PBDC1: variants seen among roughly 807,000 people sequenced by gnomAD.
PBDC1 encodes polysaccharide biosynthesis domain containing 1, also known as protein PBDC1.
PBDC1 carries 3 observed loss-of-function variants against 12.0 expected under a neutral mutation model. The ratio of observed to expected loss-of-function variants is 0.25; its 90% CI spans 0.11 to 0.64. The LOEUF is 0.64. Ranked by LOEUF, PBDC1 falls within the 30% of genes least tolerant of loss-of-function variation. The probability of loss-of-function intolerance (pLI) is 0.84; values close to 1 mark genes in which losing one functional copy is unlikely to be tolerated. For synonymous variants in PBDC1, 64 were observed against 56.4 expected (o/e 1.13, Z -0.60); for missense variants, 162 against 168.1 (o/e 0.96, Z 0.20).
At chrX:76,176,130 G>GT (rs201684974) in intron 4 of PBDC1, among the ~76,000 whole-genome samples, 1 of 96,974 alleles carries the variant, frequency 1.0e-5, no homozygotes, top group African/African-American at 3.8e-5. Flanking sequence ...TTGTTTGTTT[G>GT]TTTGTTTTGT....
chrX:76,176,041 G>T (rs1439663217), intron 4 of PBDC1, among the ~76,000 whole-genome samples: 1 of 112,102 alleles, frequency 8.9e-6, no homozygotes, highest in Non-Finnish European at 1.9e-5. Flanking sequence ...TACTTTGATA[G>T]GAAACTAACA....
At chrX:76,173,328 C>T (rs1362107493) in intron 1 of PBDC1, among the ~76,000 whole-genome samples, 160 bp downstream of exon 1, 1 of 110,992 alleles carries the variant, frequency 9.0e-6, no homozygotes, top group Non-Finnish European at 1.9e-5. Context: ...TCAGATCTTC[C>T]GCCCACCTCA....
chrX:76,178,246 T>A lies in PBDC1; in HGVS notation c.*338T>A. The A allele has an allele frequency of 6.8e-6, 2 of 293,168 alleles. No individual in the cohort carries two copies. Among genetic ancestry groups the A allele is most frequent in the Middle Eastern group, 9.6e-4 (1 of 1,041 alleles). 24.2% of individuals were successfully genotyped at this position (293,168 alleles called of 1,213,427 possible). On this transcript the variant is annotated 3_prime_UTR_variant, in exon 6 of 6. Coordinates refer to ENST00000373358, the MANE Select transcript of PBDC1 (RefSeq NM_016500.5). ...TAAAAAGGTATTTGACACTTGAAAT[T>A]TTTTTCAAATATGTAATCTCATCAC...
Position 76,178,053 on chromosome X carries a change from T to C in PBDC1, c.*145T>C. 9.5e-7 allele frequency: 1 copy of C among 1,055,054 alleles called. No homozygotes were observed. The highest frequency in any genetic ancestry group is 1.3e-6 in the Non-Finnish European group (1 of 787,107). The allele number at this position is 1,055,054 out of a possible 1,213,427, so 86.9% of individuals were successfully genotyped here. A position where few individuals can be genotyped will look rare whatever the true frequency, so the allele number is the denominator to read the frequency against. On this transcript the variant is annotated 3_prime_UTR_variant, in exon 6 of 6. Transcript: ENST00000373358. Reference sequence around the variant, plus strand: ...GAAGGACATCTTTCTAGTCTAACAGTCAGGAGCTGCTCTGGTCATTCCCTT... The same window carrying C: ...GAAGGACATCTTTCTAGTCTAACAGCCAGGAGCTGCTCTGGTCATTCCCTT...
At chrX:76,177,562 G>T (rs781805963) in intron 5 of PBDC1, 54 bp from the exon 6 acceptor site, 31 of 1,094,978 alleles carry the variant, frequency 2.8e-5, no homozygotes, top group Non-Finnish European at 3.7e-5. Flanking sequence ...AAAAAAAAGA[G>T]ATTTAGGGAA....
At chrX:76,175,387 C>A in intron 3 of PBDC1, 86 bp from the exon 4 acceptor site, 1 of 924,729 alleles carries the variant, frequency 1.1e-6, no homozygotes, top group Non-Finnish European at 1.6e-6. Flanking sequence ...CCCTGAGAAC[C>A]ATAAAGGTTT....
In PBDC1 at chrX:76,177,773, T is replaced by C. The variant is rs1428184813; in HGVS notation, c.567T>C (p.Asn189=). 13 of 1,197,810 alleles carry C rather than the reference T, an allele frequency of 1.1e-5. No individual in the cohort carries two copies. Among genetic ancestry groups the C allele is most frequent in the East Asian group, 3.0e-5 (1 of 33,354 alleles). ...ADSGEEENTK[N]GGEKGADSGE... ...GTGGAGAAGAAGAGAACACCAAGAATGGAGGAGAGAAAGGAGCTGATAGTG... is the reference window on the plus strand; with the variant it reads ...GTGGAGAAGAAGAGAACACCAAGAACGGAGGAGAGAAAGGAGCTGATAGTG... The change falls in exon 6 of 6, where the codon AAT becomes AAC. Residue 189 remains asparagine, a synonymous_variant. Coordinates refer to ENST00000373358, the MANE Select transcript of PBDC1 (RefSeq NM_016500.5).
Position 76,178,117 on chromosome X carries a change from T to G in PBDC1, c.*209T>G. ...TAAAGACTGTTAGTGGGGTGTTAGTTGATTTTTCCTGGTATACTGTTTCTT... is the reference window on the plus strand; with the variant it reads ...TAAAGACTGTTAGTGGGGTGTTAGTGGATTTTTCCTGGTATACTGTTTCTT... On this transcript the variant is annotated 3_prime_UTR_variant, in exon 6 of 6. Coordinates refer to ENST00000373358, the MANE Select transcript of PBDC1 (RefSeq NM_016500.5). The G allele has an allele frequency of 1.8e-6, 1 of 550,484 alleles. No individual in the cohort carries two copies. The highest frequency in any genetic ancestry group is 2.3e-5 in the African/African-American group (1 of 42,977). 45.4% of individuals were successfully genotyped at this position (550,484 alleles called of 1,213,427 possible).
At chrX:76,173,244 A>G in intron 1 of PBDC1, 76 bp downstream of exon 1, 1 of 937,794 alleles carries the variant, frequency 1.1e-6, no homozygotes, top group Non-Finnish European at 1.4e-6. Flanking sequence ...TTTTTGAGAC[A>G]AGGTGTCACT....
chrX:76,173,445 A>G, intron 1 of PBDC1, 140 bp from the exon 2 acceptor site: 1 of 449,213 alleles, frequency 2.2e-6, no homozygotes. Flanking sequence ...CTGGTCTCAA[A>G]CTCCTGGGCT....
At position 76,175,523 on chromosome X, in the gene PBDC1, C is replaced by A. The variant is rs781824407; in HGVS notation, c.207C>A (p.Asp69Glu). The A allele has an allele frequency of 2.5e-6, 3 of 1,205,064 alleles. No homozygotes were observed. The South Asian group carries it at 5.3e-5, about 21-fold the overall frequency. ...TCCTGAAACTCACCAAAGTAGATGA[C>A]CAAATTTACTCTGAGTTCCGGAAAA... The part of the protein sequence containing the change: ...PQFLKLTKVD[D>E]QIYSEFRKNF... The change falls in exon 4 of 6, where the codon GAC becomes GAA. Residue 69 changes from aspartate to glutamate, a missense_variant. This residue lies in a region of PBDC1 where 21 missense variants were observed against 43.4 expected (regional missense o/e 0.48). Coordinates refer to ENST00000373358, the MANE Select transcript of PBDC1 (RefSeq NM_016500.5).
chrX:76,175,140 C>T (rs1556796807), intron 3 of PBDC1, among the ~76,000 whole-genome samples, 191 bp downstream of exon 3: 3 of 112,715 alleles, frequency 2.7e-5, no homozygotes, highest in Non-Finnish European at 3.7e-5. Context: ...TGCTGCTTTG[C>T]CCAGCGTTAT....
chrX:76,175,862 C>T (rs1422574236), intron 4 of PBDC1, among the ~76,000 whole-genome samples: 1 of 111,095 alleles, frequency 9.0e-6, no homozygotes, highest in African/African-American at 3.3e-5. Flanking sequence ...TCAGCCCTTT[C>T]AGAGGAGGAT....
chrX:76,178,006 T>C lies in PBDC1; in HGVS notation c.*98T>C. On this transcript the variant is annotated 3_prime_UTR_variant, in exon 6 of 6. Transcript: ENST00000373358. ...GACCCCTTTGGTTAAATGTAAATTCTTGTACAATTGAAGGATACGCAGAAG... is the reference window on the plus strand; with the variant it reads ...GACCCCTTTGGTTAAATGTAAATTCCTGTACAATTGAAGGATACGCAGAAG... 1 of 1,167,696 alleles carries C rather than the reference T, an allele frequency of 8.6e-7. No individual in the cohort carries two copies. The highest frequency in any genetic ancestry group is 1.1e-6 in the Non-Finnish European group (1 of 876,175).
At chrX:76,175,636 A>G (rs957754485) in intron 4 of PBDC1, 23 bp downstream of exon 4, 3 of 1,105,506 alleles carry the variant, frequency 2.7e-6, no homozygotes, top group Non-Finnish European at 1.2e-6. Flanking sequence ...TTTCTTAAAT[A>G]TTACTTAGCA....
chrX:76,173,093 C>T lies in PBDC1; in HGVS notation c.-46C>T. 3.4e-6 allele frequency: 4 copies of T among 1,162,196 alleles called. No individual in the cohort carries two copies. Among genetic ancestry groups the T allele is most frequent in the South Asian group, 1.9e-5 (1 of 52,705 alleles). On this transcript the variant is annotated 5_prime_UTR_variant, in exon 1 of 6. Transcript: ENST00000373358. Reference sequence around the variant, plus strand: ...TGAGAAGGACTCTGATCCGGCTCAGCTTTCCAATCAGCTGCGGAAGGAGCC... The same window carrying T: ...TGAGAAGGACTCTGATCCGGCTCAGTTTTCCAATCAGCTGCGGAAGGAGCC...
Position 76,177,748 on chromosome X carries a change from G to A in PBDC1, c.542G>A (p.Ser181Asn), listed in dbSNP as rs374809824. 25 of 1,206,976 alleles carry A rather than the reference G, an allele frequency of 2.1e-5. No homozygotes were observed. The highest frequency in any genetic ancestry group is 2.2e-5 in the Admixed American group (1 of 45,146). ...AATGGAGGAGAAAAAAGAGCTGACA[G>A]TGGAGAAGAAGAGAACACCAAGAAT... ...VNNGGEKRAD[S>N]GEEENTKNGG... The change falls in exon 6 of 6, where the codon AGT becomes AAT. Residue 181 changes from serine (S) to asparagine (N), a missense_variant. Around this residue, in one of 3 missense-constraint regions of PBDC1, gnomAD observed 100 missense variants for 96.2 expected, o/e 1.04. Coordinates refer to ENST00000373358, the MANE Select transcript of PBDC1 (RefSeq NM_016500.5).
chrX:76,175,682 A>G, intron 4 of PBDC1, 69 bp downstream of exon 4: 1 of 850,787 alleles, frequency 1.2e-6, no homozygotes, highest in Non-Finnish European at 1.6e-6. Flanking sequence ...ATGTTTTTTT[A>G]CATTTAAGCT....
intron 3 of PBDC1, among the ~76,000 whole-genome samples, chrX:76,175,188 G>A (rs192038147): frequency 2.7e-5 from 3 of 112,751 alleles, no homozygotes; most frequent in Admixed American, 9.4e-5. Context: ...CCCATACATA[G>A]TAGGCACTTA....
Sources: gnomAD v4.1 joint callset for allele counts (sites outside exome capture counted in the v4.1 genomes callset) on GRCh38, gnomAD v4.1.1 for gene constraint, gnomAD v4.1.1 regional missense constraint, MANE v1.5 for transcripts, NCBI Gene and HGNC (gene_info 2026-07-23, HGNC 2026-07-21) for gene names.